Variants in RUNDC3B observed in about 807,000 individuals in gnomAD.
RUNDC3B encodes RUN domain-containing protein 3B.
Under a neutral mutation model 58.4 loss-of-function variants are expected in RUNDC3B, and 33 were observed. That is an observed-to-expected ratio of 0.56 (90% CI 0.43 to 0.75). The LOEUF (loss-of-function observed/expected upper bound fraction) is 0.75. Ranked by LOEUF, RUNDC3B falls within the 30% of genes least tolerant of loss-of-function variation. RUNDC3B has a pLI of 0.00. For synonymous variants in RUNDC3B, 193 were observed against 195.2 expected, an observed-to-expected ratio of 0.99 and a Z score of 0.10; for missense variants, 501 against 535.7, an observed-to-expected ratio of 0.94 and a Z score of 0.64.
At chr7:87,694,103 T>G (rs994249391) in intron 2 of RUNDC3B, 2 of 1,434,722 alleles carry the variant, frequency 1.4e-6, no homozygotes, top group Admixed American at 2.8e-5. Context: ...TGTTTTTGTT[T>G]TTTTTTTTTA....
At chr7:87,714,155 A>G (rs998007240) in intron 4 of RUNDC3B, among the ~76,000 whole-genome samples, 7 of 152,154 alleles carry the variant, frequency 4.6e-5, no homozygotes, top group Non-Finnish European at 5.9e-5. Flanking sequence ...GAATCTGTGT[A>G]TGTATTGTGG....
rs1159068365 is a variant in RUNDC3B, at chr7:87,830,267, A to T, written c.*237A>T. On this transcript the variant is annotated 3_prime_UTR_variant, in exon 11 of 11. Coordinates refer to ENST00000394654, the MANE Select transcript of RUNDC3B (RefSeq NM_001134405.2). ...GAAAGTTCAAAATGGAATAGGCTTT[A>T]AAAAAAAAAAAACTTTCAAAGATCC... 1.2e-4 allele frequency: 22 copies of T among 180,056 alleles called. No homozygotes were observed. Among genetic ancestry groups the T allele is most frequent in the Middle Eastern group, 1.9e-3 (1 of 514 alleles). The allele number at this position is 180,056 out of a possible 1,614,324, so 11.2% of individuals were successfully genotyped here.
chr7:87,631,635 C>T (rs1236260665), intron 1 of RUNDC3B, among the ~76,000 whole-genome samples: 5 of 152,182 alleles, frequency 3.3e-5, no homozygotes, highest in Admixed American at 6.5e-5. Context: ...CCTCGTGATC[C>T]GCCCGCCTCG....
At chr7:87,826,560 A>G (rs1030148230) in intron 10 of RUNDC3B, among the ~76,000 whole-genome samples, 5 of 152,080 alleles carry the variant, frequency 3.3e-5, no homozygotes, top group African/African-American at 1.2e-4. Context: ...AGAGAATGAA[A>G]ATGAGATAAA....
chr7:87,750,448 C>A (rs1165186971), intron 6 of RUNDC3B, among the ~76,000 whole-genome samples: 2 of 151,452 alleles, frequency 1.3e-5, no homozygotes, highest in Non-Finnish European at 3.0e-5. Flanking sequence ...CCTGAGGAAT[C>A]GCCACACTGA....
chr7:87,811,784 C>T (rs1836730466), intron 9 of RUNDC3B, among the ~76,000 whole-genome samples: 1 of 152,174 alleles, frequency 6.6e-6, no homozygotes, highest in African/African-American at 2.4e-5. Flanking sequence ...ATTGACATAA[C>T]TCATATATGC....
intron 6 of RUNDC3B, among the ~76,000 whole-genome samples, chr7:87,768,293 C>T (rs1291317962): frequency 2.0e-5 from 3 of 152,166 alleles, no homozygotes; most frequent in African/African-American, 7.2e-5. Context: ...TGGTGGGCTG[C>T]ACCTCTCCCT....
At chr7:87,787,923 A>T (rs941059260) in intron 8 of RUNDC3B, among the ~76,000 whole-genome samples, 2 of 152,218 alleles carry the variant, frequency 1.3e-5, no homozygotes, top group African/African-American at 4.8e-5. Flanking sequence ...AAGTTCCAAG[A>T]AACTCACTTT....
chr7:87,699,986 A>G (rs1462489114), intron 2 of RUNDC3B, among the ~76,000 whole-genome samples: 8 of 152,116 alleles, frequency 5.3e-5, no homozygotes, highest in African/African-American at 1.9e-4. Flanking sequence ...AGGAGAAAAG[A>G]ATTATGGTGG....
chr7:87,750,239 T>G (rs899984274), intron 6 of RUNDC3B, among the ~76,000 whole-genome samples: 15 of 152,158 alleles, frequency 9.9e-5, no homozygotes, highest in African/African-American at 3.6e-4. Context: ...TAGTATTCCA[T>G]GGTGTATATG....
chr7:87,717,656 C>T (rs1830637629), intron 4 of RUNDC3B, among the ~76,000 whole-genome samples: 1 of 151,940 alleles, frequency 6.6e-6, no homozygotes, highest in African/African-American at 2.4e-5. Flanking sequence ...TTTAAATAAG[C>T]TAATTTCTCT....
At chr7:87,796,617 A>G (rs1835835381) in intron 8 of RUNDC3B, among the ~76,000 whole-genome samples, 1 of 152,176 alleles carries the variant, frequency 6.6e-6, no homozygotes. Context: ...AAAAAGAAAG[A>G]AATTCTGGAG....
At position 87,628,592 on chromosome 7, in the gene RUNDC3B, T is replaced by TGC; in HGVS notation, c.-231_-230insCG. ...GAGGTGGTGCGTGCGTGCGTGTGTGTGTGTGTGTGTGTGTGTGTGTGTGTG... is the reference window on the plus strand; with the variant it reads ...GAGGTGGTGCGTGCGTGCGTGTGTGTGCGTGTGTGTGTGTGTGTGTGTGTGTG... On this transcript the variant is annotated 5_prime_UTR_variant, in exon 1 of 11. Transcript: ENST00000394654. 2 of 96,476 alleles carry TGC rather than the reference T, an allele frequency of 2.1e-5. No homozygotes were observed. Among genetic ancestry groups the TGC allele is most frequent in the Admixed American group, 1.5e-4 (1 of 6,860 alleles). The allele number at this position is 96,476 out of a possible 1,614,324, so 6.0% of individuals were successfully genotyped here.
At chr7:87,808,324 T>TA (rs760965479) in intron 9 of RUNDC3B, among the ~76,000 whole-genome samples, 35 of 152,050 alleles carry the variant, frequency 2.3e-4, no homozygotes, top group African/African-American at 8.0e-4. Flanking sequence ...TCTACTCTTT[T>TA]AGAGTCCTTG....
chr7:87,794,788 A>G (rs528956817), intron 8 of RUNDC3B, among the ~76,000 whole-genome samples: 98 of 152,336 alleles, frequency 6.4e-4, no homozygotes, highest in Non-Finnish European at 1.3e-3. Context: ...AAAAAAGTGT[A>G]GACCAGTGGA....
chr7:87,742,601 T>TAGAC (rs1832394021), intron 6 of RUNDC3B, among the ~76,000 whole-genome samples: 1 of 151,802 alleles, frequency 6.6e-6, no homozygotes, highest in East Asian at 1.9e-4. Context: ...GATAGATAGA[T>TAGAC]AGATAGATAG....
intron 8 of RUNDC3B, among the ~76,000 whole-genome samples, chr7:87,781,254 A>G (rs1834904652): frequency 6.6e-6 from 1 of 151,838 alleles, no homozygotes; most frequent in East Asian, 1.9e-4. Context: ...GGCTGTTGTA[A>G]ATGGGATTGT....
At chr7:87,719,370 A>G (rs949330702) in intron 4 of RUNDC3B, among the ~76,000 whole-genome samples, 3 of 151,960 alleles carry the variant, frequency 2.0e-5, no homozygotes, top group Non-Finnish European at 4.4e-5. Context: ...TTCTTTACAT[A>G]ATTAGACAAG....
chr7:87,808,562 T>C (rs554515321), intron 9 of RUNDC3B, among the ~76,000 whole-genome samples: 12 of 152,240 alleles, frequency 7.9e-5, no homozygotes, highest in African/African-American at 2.4e-4. Context: ...TCTTGTTTCA[T>C]TGATTATTAG....
Sources: allele counts gnomAD v4.1 joint callset (sites outside exome capture counted in the v4.1 genomes callset), GRCh38; gene constraint gnomAD v4.1.1; transcripts MANE v1.5; gene names NCBI Gene and HGNC (gene_info 2026-07-23, HGNC 2026-07-21).